WDR5: variants seen among roughly 807,000 people sequenced by gnomAD.
WDR5 encodes the protein WD repeat domain 5.
For missense variants in WDR5, 187 were observed against 416.9 expected (o/e 0.45, Z 4.80); for synonymous variants, 144 against 161.6 (o/e 0.89, Z 0.83).
Position 134,155,716 on chromosome 9 carries a change from C to T in WDR5, c.765C>T (p.His255=), listed in dbSNP as rs767868656. 5 of 1,614,146 alleles carry T rather than the reference C, an allele frequency of 3.1e-6. No homozygotes were observed. The highest frequency in any genetic ancestry group is 4.2e-6 in the Non-Finnish European group (5 of 1,180,026). The change falls in exon 12 of 14, where the codon CAC becomes CAT. Residue 255 remains histidine, a synonymous_variant. Coordinates refer to ENST00000358625, the MANE Select transcript of WDR5 (RefSeq NM_017588.3). ...AGTGCCTGAAGACGTACACTGGCCA[C>T]AAGAATGAGAAATACTGCATATTTG... ...KGKCLKTYTG[H]KNEKYCIFAN... is the part of the protein sequence containing the mutation.
intron 7 of WDR5, among the ~76,000 whole-genome samples, chr9:134,146,804 A>G (rs1459575410): frequency 6.6e-6 from 1 of 152,264 alleles, no homozygotes; most frequent in African/African-American, 2.4e-5. Context: ...ATTTAAAGGT[A>G]GGGATGAATG....
At chr9:134,143,345 A>G (rs1831998713) in intron 7 of WDR5, among the ~76,000 whole-genome samples, 2 of 152,288 alleles carry the variant, frequency 1.3e-5, no homozygotes, top group South Asian at 4.1e-4. Context: ...GTTTGAGACC[A>G]GCCTGGCCAA....
chr9:134,155,264 A>T, intron 10 of WDR5, 76 bp from the exon 11 acceptor site: 4 of 1,457,914 alleles, frequency 2.7e-6, no homozygotes, highest in Non-Finnish European at 3.6e-6. Flanking sequence ...GCTGTGACGT[A>T]GTGGCTGCAG....
At chr9:134,141,345 A>G (rs906471830) in intron 3 of WDR5, among the ~76,000 whole-genome samples, 165 bp from the exon 4 acceptor site, 4 of 152,144 alleles carry the variant, frequency 2.6e-5, no homozygotes, top group African/African-American at 9.7e-5. Context: ...AGGGAGGGGA[A>G]GGGGACTGGT....
intron 10 of WDR5, among the ~76,000 whole-genome samples, 161 bp from the exon 11 acceptor site, chr9:134,155,179 A>T (rs1049151183): frequency 6.6e-6 from 1 of 152,220 alleles, no homozygotes; most frequent in Non-Finnish European, 1.5e-5. Context: ...CTGGACTTTG[A>T]GCCTGAGGGG....
chr9:134,141,416 TG>T, intron 3 of WDR5, 93 bp from the exon 4 acceptor site: 1 of 1,237,510 alleles, frequency 8.1e-7, no homozygotes, highest in Non-Finnish European at 1.2e-6. Context: ...GCTGATCACC[TG>T]GGACTCATGT....
At position 134,157,057 on chromosome 9, in the gene WDR5, G is replaced by A. The variant is rs968096588; in HGVS notation, c.904+464G>A. Among the ~76,000 whole-genome samples, 4 of 152,050 alleles carry A rather than the reference G, an allele frequency of 2.6e-5. No homozygotes were observed. Among genetic ancestry groups the A allele is most frequent in the Non-Finnish European group, 5.9e-5 (4 of 67,988 alleles). On this transcript the variant is annotated intron_variant, in intron 13 of 13. Coordinates refer to ENST00000358625, the MANE Select transcript of WDR5 (RefSeq NM_017588.3). This position sits in a 1 kb window ranked among gnomAD's most constrained non-coding sequence, Gnocchi z 5.0. Reference sequence around the variant, plus strand: ...CGGAGCTGGTTCCCAGGCTACCTGGGGTTGCCACCTCTGTGGGTCCCGGCT... The same window carrying A: ...CGGAGCTGGTTCCCAGGCTACCTGGAGTTGCCACCTCTGTGGGTCCCGGCT...
At chr9:134,153,935 T>G (rs1832623715) in intron 9 of WDR5, among the ~76,000 whole-genome samples, 1 of 152,192 alleles carries the variant, frequency 6.6e-6, no homozygotes, top group Non-Finnish European at 1.5e-5. Context: ...CTTTTTCAGC[T>G]GTGTGAGAAG....
At chr9:134,138,900 A>T (rs1370186786) in intron 1 of WDR5, among the ~76,000 whole-genome samples, 1 of 152,218 alleles carries the variant, frequency 6.6e-6, no homozygotes, top group Non-Finnish European at 1.5e-5. Context: ...AGCATGTCTC[A>T]GTGGCTTTCC....
rs1261598096 is a variant in WDR5 at position 134,158,558 on chromosome 9, G to C, written c.*565G>C. The C allele has an allele frequency of 6.6e-6, 1 of 152,478 alleles. No homozygotes were observed. Among genetic ancestry groups the C allele is most frequent in the South Asian group, 2.1e-4 (1 of 4,852 alleles). 9.4% of individuals were successfully genotyped at this position (152,478 alleles called of 1,614,324 possible). ...GTGGTTGTTTTCTGTGTAAAGAGCC[G>C]TTTGTGTCTTGGGAGTTTGTGGCCC... is the stretch of plus-strand genomic sequence containing the variant. On this transcript the variant is annotated 3_prime_UTR_variant, in exon 14 of 14. Coordinates refer to ENST00000358625, the MANE Select transcript of WDR5 (RefSeq NM_017588.3).
chr9:134,145,771 C>T (rs889282788), intron 7 of WDR5, among the ~76,000 whole-genome samples: 2 of 152,156 alleles, frequency 1.3e-5, no homozygotes, highest in Non-Finnish European at 2.9e-5. Flanking sequence ...ATCCACAGCC[C>T]TCGCGCCCTC....
At chr9:134,139,157 A>G (rs28708401) in intron 1 of WDR5, among the ~76,000 whole-genome samples, 1,691 of 152,302 alleles carry the variant, frequency 0.011, 19 homozygotes, top group Middle Eastern at 0.024. Context: ...GGATGTGGAA[A>G]TTCCAGCAGG....
intron 1 of WDR5, among the ~76,000 whole-genome samples, 172 bp downstream of exon 1, chr9:134,136,372 C>A (rs1415781254): frequency 2.0e-5 from 3 of 151,112 alleles, no homozygotes; most frequent in Non-Finnish European, 3.0e-5. Flanking sequence ...CCGCCCCGGC[C>A]CCTCGGTGGA....
upstream of WDR5, chr9:134,135,376 CA>C: frequency 6.6e-6 from 1 of 152,264 alleles, no homozygotes; most frequent in South Asian, 2.1e-4. Flanking sequence ...TGAGTTTGCG[CA>C]CTGCGGAGCG....
chr9:134,155,809 T>TA, intron 12 of WDR5, 42 bp downstream of exon 12: 1 of 1,591,392 alleles, frequency 6.3e-7, no homozygotes, highest in Non-Finnish European at 8.6e-7. Flanking sequence ...GTTCCCAGCT[T>TA]ACTCTCCCGA....
At chr9:134,154,056 C>T (rs185741958) in intron 9 of WDR5, among the ~76,000 whole-genome samples, 31 of 152,326 alleles carry the variant, frequency 2.0e-4, no homozygotes, top group Admixed American at 5.2e-4. Context: ...ATGCCCCTTG[C>T]GTCGATAAAT....
intron 1 of WDR5, 27 bp from the exon 2 acceptor site, chr9:134,139,793 C>A: frequency 1.4e-6 from 2 of 1,426,430 alleles, no homozygotes; most frequent in Non-Finnish European, 1.9e-6. Context: ...TGTTTCTTGG[C>A]TCCCTGTTCT....
intron 1 of WDR5, among the ~76,000 whole-genome samples, chr9:134,136,434 C>T (rs1283660684): frequency 1.3e-5 from 2 of 151,928 alleles, no homozygotes; most frequent in South Asian, 2.1e-4. Flanking sequence ...CGCGCCCCCA[C>T]CTCCGCCTCC....
intron 7 of WDR5, among the ~76,000 whole-genome samples, chr9:134,145,726 G>C (rs1353907469): frequency 6.6e-6 from 1 of 152,128 alleles, no homozygotes; most frequent in African/African-American, 2.4e-5. Context: ...CTCTGGCTAG[G>C]GCTCCTCGGC....
Sources: gnomAD v4.1 joint callset for allele counts (sites outside exome capture counted in the v4.1 genomes callset) on GRCh38, gnomAD v4.1.1 for gene constraint, Gnocchi (gnomAD v3.1) non-coding constraint, MANE v1.5 for transcripts, NCBI Gene and HGNC (gene_info 2026-07-23, HGNC 2026-07-21) for gene names.